PPWD1: variants seen among roughly 807,000 people sequenced by gnomAD.
PPWD1 encodes peptidylprolyl isomerase domain and WD repeat containing 1.
PPWD1 carries 43 observed loss-of-function variants against 68.8 expected under a neutral mutation model. The observed-to-expected ratio is 0.62, with a 90% CI of 0.49 to 0.81. The LOEUF is 0.81. Ranked by LOEUF, PPWD1 falls within the 30% of genes least tolerant of loss-of-function variation. The pLI, the probability that PPWD1 is intolerant of heterozygous loss-of-function variation, is 0.00. For synonymous variants in PPWD1, 232 were observed against 258.7 expected, an observed-to-expected ratio of 0.90 and a Z score of 0.99; for missense variants, 672 against 804.8, an observed-to-expected ratio of 0.83 and a Z score of 2.00.
At chr5:65,585,210 G>A in intron 9 of PPWD1, 115 bp downstream of exon 9, 4 of 1,037,744 alleles carry the variant, frequency 3.9e-6, no homozygotes, top group African/African-American at 3.3e-5. Flanking sequence ...GAAAGGAACA[G>A]GAAAAATACA....
Position 65,577,036 on chromosome 5 carries a change from T to C in PPWD1, c.1127T>C (p.Leu376Pro), listed in dbSNP as rs200744611. 1.2e-6 allele frequency: 2 copies of C among 1,613,380 alleles called. No homozygotes were observed. Among genetic ancestry groups the C allele is most frequent in the East Asian group, 2.2e-5 (1 of 44,866 alleles). The change falls in exon 6 of 11, where the codon CTG becomes CCG. Residue 376 changes from leucine (L) to proline (P), a missense_variant. Physicochemically the swap from Leu to Pro is moderately conservative, Grantham distance 98. Transcript: ENST00000261308. Reference protein sequence around the residue: ...TGHFVLYGTMLGIKVINVETN... With the variant: ...TGHFVLYGTMPGIKVINVETN... ...CACTTCGTGCTGTATGGAACAATGC[T>C]GGGCATTAAAGTTATAAATGTAGAG...
intron 6 of PPWD1, 56 bp from the exon 7 acceptor site, chr5:65,579,368 C>G: frequency 7.1e-7 from 1 of 1,399,666 alleles, no homozygotes; most frequent in Non-Finnish European, 9.4e-7. Context: ...GTAAAGTTGT[C>G]ATAATTGGAA....
At chr5:65,567,244 C>A (rs1036776279) in intron 1 of PPWD1, among the ~76,000 whole-genome samples, 1 of 151,530 alleles carries the variant, frequency 6.6e-6, no homozygotes, top group African/African-American at 2.4e-5. Flanking sequence ...CAGAAGCACT[C>A]ATTTCTTAAG....
At chr5:65,585,955 T>A (rs1232392901) in intron 9 of PPWD1, 44 bp from the exon 10 acceptor site, 1 of 1,594,120 alleles carries the variant, frequency 6.3e-7, no homozygotes, top group Admixed American at 1.7e-5. Context: ...AGCGTACATA[T>A]ATCGAAAAGG....
Position 65,563,357 on chromosome 5 carries a change from G to C in PPWD1, c.47G>C (p.Arg16Pro). The change falls in exon 1 of 11, where the codon CGC becomes CCC. Residue 16 changes from arginine (R) to proline (P), a missense_variant. Coordinates refer to ENST00000261308, the MANE Select transcript of PPWD1 (RefSeq NM_015342.4). ...GATTTTCAGCAGAGACGTAGAAGGC[G>C]CCGGGACCCGGAGGAACCGGAAAAA... is the stretch of plus-strand genomic sequence containing the variant. ...GSDFQQRRRR[R>P]RDPEEPEKTE... 3 of 1,614,110 alleles carry C rather than the reference G, an allele frequency of 1.9e-6. No individual in the cohort carries two copies. The highest frequency in any genetic ancestry group is 4.5e-5 in the East Asian group (2 of 44,868).
intron 9 of PPWD1, 38 bp downstream of exon 9, chr5:65,585,133 GTAT>G (rs771837518): frequency 7.8e-6 from 12 of 1,540,302 alleles, no homozygotes; most frequent in Non-Finnish European, 1.1e-5. Context: ...AAGAAATACT[GTAT>G]TATTACATAG....
At chr5:65,578,866 T>C (rs1753459486) in intron 6 of PPWD1, among the ~76,000 whole-genome samples, 1 of 151,250 alleles carries the variant, frequency 6.6e-6, no homozygotes, top group Non-Finnish European at 1.5e-5. Flanking sequence ...TAACAGTCCT[T>C]TATGAGCCGT....
intron 2 of PPWD1, 122 bp from the exon 3 acceptor site, chr5:65,569,510 G>GTT (rs200678289): frequency 8.7e-6 from 10 of 1,149,556 alleles, no homozygotes; most frequent in Non-Finnish European, 1.2e-5. Flanking sequence ...TTAAAGAAGG[G>GTT]TTTTTTTTAA....
rs780442250 is a variant in PPWD1 at position 65,586,039 on chromosome 5, T to C, written c.1655T>C (p.Met552Thr). Residue 552 changes from methionine to threonine, a missense_variant, in exon 10 of 11, where the codon ATG becomes ACG. By Grantham distance (81) the Met-to-Thr change is moderately conservative. This residue lies in a region of PPWD1 where 484 missense variants were observed against 646.2 expected (regional missense o/e 0.75). Coordinates refer to ENST00000261308, the MANE Select transcript of PPWD1 (RefSeq NM_015342.4). ...ACTGGAGATCCAACAGGTACTGGTA[T>C]GGGAGGAGAAAGCATATGGGGAGGA... Reference protein sequence around the residue: ...IQTGDPTGTGMGGESIWGGEF... With the variant: ...IQTGDPTGTGTGGESIWGGEF... The C allele has an allele frequency of 8.1e-6, 13 of 1,613,468 alleles. No homozygotes were observed. The highest frequency in any genetic ancestry group is 1.3e-5 in the African/African-American group (1 of 74,876).
intron 9 of PPWD1, 124 bp downstream of exon 9, chr5:65,585,219 C>G (rs183310659): frequency 3.1e-6 from 3 of 968,050 alleles, no homozygotes; most frequent in Non-Finnish European, 1.5e-6. Context: ...AGGAAAAATA[C>G]ACTATGGAAG....
At chr5:65,563,952 A>G in intron 1 of PPWD1, 1 of 1,034,204 alleles carries the variant, frequency 9.7e-7, no homozygotes, top group Non-Finnish European at 1.4e-6. Context: ...CATGGTAGGT[A>G]AAGATAATTT....
chr5:65,563,943 A>G, intron 1 of PPWD1: 1 of 1,089,088 alleles, frequency 9.2e-7, no homozygotes, highest in Non-Finnish European at 1.3e-6. Flanking sequence ...ATTTCGAATC[A>G]TGGTAGGTAA....
chr5:65,578,623 A>T (rs1358318327), intron 6 of PPWD1, among the ~76,000 whole-genome samples: 1 of 151,566 alleles, frequency 6.6e-6, no homozygotes, highest in Non-Finnish European at 1.5e-5. Context: ...CCATTTGTAT[A>T]TCTCTTTGAT....
chr5:65,566,092 G>A lies in PPWD1; in HGVS notation c.197-1421G>A, dbSNP rs261249. On this transcript the variant is annotated intron_variant, in intron 1 of 10. Coordinates refer to ENST00000261308, the MANE Select transcript of PPWD1 (RefSeq NM_015342.4). The stretch of plus-strand genomic sequence containing the variant: ...ATGCCCATGTGACCTAGAACGTATT[G>A]TGTTCTTAGTAAGTATTTGTCCACA... Among the ~76,000 whole-genome samples, 560 of 151,546 alleles carry A rather than the reference G, an allele frequency of 3.7e-3. 3 individuals carry two copies. The highest frequency in any genetic ancestry group is 0.013 in the African/African-American group (529 of 41,294).
intron 9 of PPWD1, 123 bp downstream of exon 9, chr5:65,585,218 A>G (rs1753782834): frequency 8.2e-6 from 8 of 972,946 alleles, no homozygotes. Flanking sequence ...CAGGAAAAAT[A>G]CACTATGGAA....
At chr5:65,579,177 A>G (rs13177756) in intron 6 of PPWD1, 86,622 of 378,394 alleles carry the variant, frequency 0.23, 11,033 homozygotes, top group South Asian at 0.32. Context: ...TCGGCCTCCC[A>G]AAGTGCTGGG....
chr5:65,563,808 A>G, intron 1 of PPWD1: 6 of 1,507,664 alleles, frequency 4.0e-6, no homozygotes, highest in Middle Eastern at 1.7e-4. Context: ...CACAGCAGCC[A>G]CATGAAGTTG....
chr5:65,578,828 A>T (rs543014065), intron 6 of PPWD1, among the ~76,000 whole-genome samples: 8 of 146,542 alleles, frequency 5.5e-5, no homozygotes, highest in Middle Eastern at 3.6e-3. Context: ...ACTTTTTTTT[A>T]AAAAAAGAGT....
chr5:65,584,659 T>C (rs1355029238), intron 8 of PPWD1, among the ~76,000 whole-genome samples: 1 of 152,112 alleles, frequency 6.6e-6, no homozygotes, highest in Non-Finnish European at 1.5e-5. Flanking sequence ...AAAGTCAAGA[T>C]CAGCCTAGGC....
Sources: gnomAD v4.1 joint callset for allele counts (sites outside exome capture counted in the v4.1 genomes callset) on GRCh38, gnomAD v4.1.1 for gene constraint, gnomAD v4.1.1 regional missense constraint, MANE v1.5 for transcripts, NCBI Gene and HGNC (gene_info 2026-07-23, HGNC 2026-07-21) for gene names.